The following KCNB2 variants were observed in gnomAD, a reference collection of about 807,000 sequenced individuals.
KCNB2 encodes potassium voltage-gated channel subfamily B member 2.
KCNB2 carries 15 observed loss-of-function variants against 61.5 expected under a neutral mutation model. That is an observed-to-expected ratio of 0.24 (90% CI 0.16 to 0.38). The LOEUF is 0.38. KCNB2 is among the 10% of genes least tolerant of loss of function. KCNB2 has a pLI of 1.00. For missense variants in KCNB2, 828 were observed against 1,125.2 expected (o/e 0.74, Z 3.78); for synonymous variants, 457 against 446.0 (o/e 1.02, Z -0.31).
chr8:72,577,801 GCAAC>G (rs1289580798), intron 2 of KCNB2, among the ~76,000 whole-genome samples: 4 of 152,144 alleles, frequency 2.6e-5, no homozygotes, highest in Non-Finnish European at 5.9e-5. Context: ...ATCCGTCACT[GCAAC>G]CAACCTCAGG....
intron 2 of KCNB2, among the ~76,000 whole-genome samples, chr8:72,739,980 T>C (rs1409491349): frequency 6.6e-6 from 1 of 152,188 alleles, no homozygotes; most frequent in Non-Finnish European, 1.5e-5. Flanking sequence ...TACAACTGCT[T>C]CTAGATAGCT....
intron 2 of KCNB2, among the ~76,000 whole-genome samples, chr8:72,586,324 G>C (rs1807000308): frequency 6.6e-6 from 1 of 152,178 alleles, no homozygotes; most frequent in Non-Finnish European, 1.5e-5. Flanking sequence ...TAGAGTTCCA[G>C]GTGGTAGTTA....
chr8:72,714,415 G>A (rs184334722), intron 2 of KCNB2, among the ~76,000 whole-genome samples: 112 of 152,280 alleles, frequency 7.4e-4, no homozygotes, highest in Admixed American at 2.2e-3. Flanking sequence ...AGAGAGAAAG[G>A]TCAGGTTACC....
chr8:72,586,448 T>C (rs1179349008), intron 2 of KCNB2, among the ~76,000 whole-genome samples: 6 of 152,226 alleles, frequency 3.9e-5, no homozygotes, highest in Non-Finnish European at 8.8e-5. Context: ...GTTCAACGTT[T>C]TGTAATTCCT....
intron 2 of KCNB2, among the ~76,000 whole-genome samples, chr8:72,892,715 A>G (rs755379329): frequency 3.3e-5 from 5 of 152,138 alleles, no homozygotes; most frequent in African/African-American, 4.8e-5. Flanking sequence ...TCCTTCTCCT[A>G]TACTACTTCT....
intron 2 of KCNB2, among the ~76,000 whole-genome samples, chr8:72,841,213 T>C: frequency 6.6e-6 from 1 of 152,160 alleles, no homozygotes; most frequent in East Asian, 1.9e-4. Flanking sequence ...CAGATGGTTG[T>C]AGATGTGTGG....
intron 1 of KCNB2, among the ~76,000 whole-genome samples, chr8:72,541,941 AT>A (rs1203875056): frequency 2.6e-5 from 4 of 152,020 alleles, no homozygotes; most frequent in African/African-American, 9.7e-5. Context: ...CTGAAATATA[AT>A]TTTTTATGCA....
Position 72,585,136 on chromosome 8 carries a change from C to A in KCNB2, c.579+16823C>A, listed in dbSNP as rs184870777. Among the ~76,000 whole-genome samples the A allele has an allele frequency of 1.1e-3, 162 of 152,276 alleles. 1 individual carries two copies. Among genetic ancestry groups the A allele is most frequent in the African/African-American group, 3.8e-3 (157 of 41,560 alleles). The stretch of plus-strand genomic sequence containing the variant: ...CTTGTGACATGGCTTAGCATAATAC[C>A]TGGCAAATAGGGAGCACTAAATAAG... On this transcript the variant is annotated intron_variant, in intron 2 of 2. Transcript: ENST00000523207.
At chr8:72,669,557 TA>T (rs931426228) in intron 2 of KCNB2, among the ~76,000 whole-genome samples, 50 of 152,080 alleles carry the variant, frequency 3.3e-4, no homozygotes, top group Non-Finnish European at 6.0e-4. Flanking sequence ...TTTTGAAATT[TA>T]AAAAAAACCC....
chr8:72,913,436 T>A (rs1806336372), intron 2 of KCNB2, among the ~76,000 whole-genome samples: 1 of 152,228 alleles, frequency 6.6e-6, no homozygotes, highest in South Asian at 2.1e-4. Flanking sequence ...ATGTAATAAC[T>A]GAAGCACAGG....
In KCNB2 at chr8:72,716,511, C is replaced by T. The variant is rs193218687; in HGVS notation, c.579+148198C>T. Among the ~76,000 whole-genome samples, 279 of 152,280 alleles carry T rather than the reference C, an allele frequency of 1.8e-3. 1 individual carries two copies. The highest frequency in any genetic ancestry group is 6.0e-3 in the African/African-American group (248 of 41,558). ...TGGGATGCATGGCTGGTTCAACATA[C>T]GCAAATCAATAAACGTAATCCAGCC... On this transcript the variant is annotated intron_variant, in intron 2 of 2. Transcript: ENST00000523207.
intron 2 of KCNB2, among the ~76,000 whole-genome samples, chr8:72,850,363 G>A (rs1433105727): frequency 1.3e-5 from 2 of 152,002 alleles, no homozygotes; most frequent in African/African-American, 4.8e-5. Flanking sequence ...GGAACCACAG[G>A]TGCCTGACAC....
intron 2 of KCNB2, among the ~76,000 whole-genome samples, chr8:72,834,226 C>A (rs553686134): frequency 2.0e-5 from 3 of 152,222 alleles, no homozygotes; most frequent in African/African-American, 7.2e-5. Flanking sequence ...TCTATCAAGT[C>A]TCTTGGTGGC....
intron 2 of KCNB2, among the ~76,000 whole-genome samples, chr8:72,638,501 C>T (rs1045671178): frequency 6.6e-6 from 1 of 152,118 alleles, no homozygotes; most frequent in Non-Finnish European, 1.5e-5. Context: ...AGGTAAAGCC[C>T]CTTTTGTAGA....
intron 2 of KCNB2, among the ~76,000 whole-genome samples, chr8:72,654,372 A>C (rs1806258274): frequency 1.3e-5 from 2 of 152,218 alleles, no homozygotes; most frequent in African/African-American, 4.8e-5. Flanking sequence ...TGTAAAGATG[A>C]AAGAGTGACA....
chr8:72,655,287 G>A (rs1215679774), intron 2 of KCNB2, among the ~76,000 whole-genome samples: 1 of 152,000 alleles, frequency 6.6e-6, no homozygotes, highest in Non-Finnish European at 1.5e-5. Flanking sequence ...AGGCATGAGG[G>A]CCTACTTGAG....
intron 2 of KCNB2, among the ~76,000 whole-genome samples, chr8:72,719,623 G>A (rs1400689719): frequency 2.6e-5 from 4 of 151,824 alleles, no homozygotes; most frequent in African/African-American, 9.7e-5. Flanking sequence ...CCTCCTATTG[G>A]TTTCCTTTTA....
chr8:72,584,889 C>G (rs796417273), intron 2 of KCNB2, among the ~76,000 whole-genome samples: 11 of 152,274 alleles, frequency 7.2e-5, no homozygotes, highest in African/African-American at 2.4e-4. Context: ...GCTCCTTTCT[C>G]TCTCCCCATC....
rs182259871 is a variant in KCNB2, at chr8:72,738,744, A to T, written c.579+170431A>T. Among the ~76,000 whole-genome samples the T allele has an allele frequency of 1.1e-3, 160 of 152,280 alleles. 1 individual carries two copies. The highest frequency in any genetic ancestry group is 3.8e-3 in the African/African-American group (157 of 41,578). ...GCTGAGACTTGGTGGTTCTGGCAAA[A>T]TGCAGCTCAGTACCAGGGCACAGAG... On this transcript the variant is annotated intron_variant, in intron 2 of 2. Transcript: ENST00000523207.
Sources: allele counts gnomAD v4.1 joint callset (sites outside exome capture counted in the v4.1 genomes callset), GRCh38; gene constraint gnomAD v4.1.1; transcripts MANE v1.5; gene names NCBI Gene and HGNC (gene_info 2026-07-23, HGNC 2026-07-21).